NFIL3: variants seen among roughly 807,000 people sequenced by gnomAD.
NFIL3 encodes the protein nuclear factor, interleukin 3 regulated, also known as nuclear factor interleukin-3-regulated protein.
Under a neutral mutation model 10.0 loss-of-function variants are expected in NFIL3, and 5 were observed. The ratio of observed to expected loss-of-function variants is 0.50; its 90% confidence interval spans 0.26 to 1.06. The LOEUF (loss-of-function observed/expected upper bound fraction) is 1.06. Ranked by LOEUF, NFIL3 falls within the 50% of genes least tolerant of loss-of-function variation. The pLI is 0.13. For missense variants in NFIL3, 436 were observed against 547.6 expected (o/e 0.80, Z 2.03); for synonymous variants, 202 against 206.5 (o/e 0.98, Z 0.19).
the NFIL3 span, among the ~76,000 whole-genome samples, chr9:91,478,304 G>A: frequency 6.6e-6 from 1 of 151,948 alleles, no homozygotes; most frequent in Non-Finnish European, 1.5e-5. Context: ...CACAGGTTTG[G>A]CCTTTTCACA....
chr9:91,434,281 A>T, the NFIL3 span, among the ~76,000 whole-genome samples: 2 of 152,190 alleles, frequency 1.3e-5, no homozygotes, highest in Admixed American at 1.3e-4. Flanking sequence ...TGCTTCCAGA[A>T]CCTCAGCTTC....
chr9:91,420,352 TACACACACACACACACAC>T (rs144270881), intron 1 of NFIL3, among the ~76,000 whole-genome samples: 8 of 144,394 alleles, frequency 5.5e-5, no homozygotes, highest in African/African-American at 1.8e-4. Context: ...TGAAGGTAAA[TACACACACACACACACAC>T]ACACACACAC....
At position 91,409,191 on chromosome 9, in the gene NFIL3, CATA is replaced by C; in HGVS notation, c.*152_*154del. 1 of 675,350 alleles carries C rather than the reference CATA, an allele frequency of 1.5e-6. No individual in the cohort carries two copies. Among genetic ancestry groups the C allele is most frequent in the Non-Finnish European group, 2.4e-6 (1 of 413,890 alleles). 41.8% of individuals were successfully genotyped at this position (675,350 alleles called of 1,614,324 possible). Reference sequence around the variant, plus strand: ...AGTGATAACACAATCTAATCTTCATCATAATCTGTGCACAAAAAGACACCAAAC... The same window carrying C: ...AGTGATAACACAATCTAATCTTCATCATCTGTGCACAAAAAGACACCAAAC... On this transcript the variant is annotated 3_prime_UTR_variant, in exon 2 of 2. Coordinates refer to ENST00000297689, the MANE Select transcript of NFIL3 (RefSeq NM_005384.3).
At chr9:91,411,520 C>T (rs900163180) in intron 1 of NFIL3, among the ~76,000 whole-genome samples, 2 of 152,180 alleles carry the variant, frequency 1.3e-5, no homozygotes, top group Admixed American at 6.5e-5. Context: ...TTAATCTACA[C>T]CTTAACGTGG....
chr9:91,434,972 T>C, the NFIL3 span, among the ~76,000 whole-genome samples: 1 of 152,218 alleles, frequency 6.6e-6, no homozygotes, highest in African/African-American at 2.4e-5. Context: ...CCAAGGACCA[T>C]GGCAAGGCTG....
the NFIL3 span, among the ~76,000 whole-genome samples, chr9:91,468,378 G>A: frequency 1.3e-5 from 2 of 152,136 alleles, no homozygotes; most frequent in Non-Finnish European, 2.9e-5. Context: ...ACTTTTTGAT[G>A]GGGTTGTTTG....
At chr9:91,416,162 T>C (rs991307580) in intron 1 of NFIL3, among the ~76,000 whole-genome samples, 66 of 151,120 alleles carry the variant, frequency 4.4e-4, no homozygotes, top group Admixed American at 4.6e-4. Flanking sequence ...CTTCTTCTTT[T>C]TTTTTTTTTT....
the NFIL3 span, among the ~76,000 whole-genome samples, chr9:91,433,700 A>G: frequency 2.6e-5 from 4 of 152,356 alleles, no homozygotes; most frequent in African/African-American, 7.2e-5. Flanking sequence ...CGATTTGTTT[A>G]AGTCATTGTT....
At chr9:91,445,255 C>T in the NFIL3 span, among the ~76,000 whole-genome samples, 2 of 152,094 alleles carry the variant, frequency 1.3e-5, no homozygotes, top group Non-Finnish European at 1.5e-5. Context: ...ACAACTTGGG[C>T]CCTGAGGGAT....
chr9:91,467,897 T>C, the NFIL3 span, among the ~76,000 whole-genome samples: 1 of 152,234 alleles, frequency 6.6e-6, no homozygotes, highest in Admixed American at 6.5e-5. Flanking sequence ...TAGTATTCCA[T>C]GGTGTTTATG....
chr9:91,427,329 G>A (rs1587971667), upstream of NFIL3, among the ~76,000 whole-genome samples: 1 of 152,286 alleles, frequency 6.6e-6, no homozygotes, highest in Non-Finnish European at 1.5e-5. Flanking sequence ...GGGTGGAGAC[G>A]GGGGACTCAG....
upstream of NFIL3, among the ~76,000 whole-genome samples, chr9:91,424,393 G>T (rs574293289): frequency 6.6e-6 from 1 of 151,842 alleles, no homozygotes; most frequent in Admixed American, 6.6e-5. Context: ...GCACACTCCC[G>T]AGAGGAGCCC....
chr9:91,460,271 C>CTTTTTTTTTT, the NFIL3 span, among the ~76,000 whole-genome samples: 332 of 70,414 alleles, frequency 4.7e-3, 104 homozygotes, highest in African/African-American at 0.026. Context: ...GGGCTTGGTT[C>CTTTTTTTTTT]TTTTTTTTTT....
In NFIL3 at chr9:91,410,799, T is replaced by C. The variant is rs1272449594; in HGVS notation, c.-65A>G. The C allele has an allele frequency of 6.8e-7, 1 of 1,464,336 alleles. No individual in the cohort carries two copies. Among genetic ancestry groups the C allele is most frequent in the Admixed American group, 2.5e-5 (1 of 39,804 alleles). 90.7% of individuals were successfully genotyped at this position (1,464,336 alleles called of 1,614,324 possible). On this transcript the variant is annotated 5_prime_UTR_variant, in exon 2 of 2. Transcript: ENST00000297689. The surrounding 1 kb of genome is among the most constrained non-coding windows in gnomAD (Gnocchi z 5.7). ...AATTAATTTCCCCGTATTCTCAAGC[T>C]CTTTAAAAACTCTGGTTTAAAATCC...
the NFIL3 span, among the ~76,000 whole-genome samples, chr9:91,481,888 G>A: frequency 2.9e-4 from 44 of 152,064 alleles, no homozygotes; most frequent in South Asian, 4.6e-3. Context: ...AATTACTAAC[G>A]ATCAATAAAC....
chr9:91,415,300 T>G (rs1485572163), intron 1 of NFIL3, among the ~76,000 whole-genome samples: 1 of 152,236 alleles, frequency 6.6e-6, no homozygotes, highest in Non-Finnish European at 1.5e-5. Flanking sequence ...GTGCCATTTA[T>G]TGAACACTTA....
At chr9:91,471,060 A>C in the NFIL3 span, among the ~76,000 whole-genome samples, 3 of 152,080 alleles carry the variant, frequency 2.0e-5, no homozygotes, top group African/African-American at 7.2e-5. Flanking sequence ...GCTGAGTTGA[A>C]GTCCTGGATA....
the NFIL3 span, among the ~76,000 whole-genome samples, chr9:91,468,201 G>T: frequency 6.6e-6 from 1 of 152,156 alleles, no homozygotes; most frequent in African/African-American, 2.4e-5. Flanking sequence ...AGCACCTGTT[G>T]TTTCCTGACT....
chr9:91,478,067 T>C, the NFIL3 span, among the ~76,000 whole-genome samples: 4 of 152,224 alleles, frequency 2.6e-5, no homozygotes, highest in Admixed American at 2.6e-4. Context: ...CCTTTCTCTC[T>C]GGCTGCCCTT....
Sources: allele counts gnomAD v4.1 joint callset (sites outside exome capture counted in the v4.1 genomes callset), GRCh38; gene constraint gnomAD v4.1.1; non-coding constraint Gnocchi (gnomAD v3.1); transcripts MANE v1.5; gene names NCBI Gene and HGNC (gene_info 2026-07-23, HGNC 2026-07-21).